TMEM221: variants seen among roughly 807,000 people sequenced by gnomAD.
TMEM221 encodes the protein Putative transmembrane protein ENSP00000342162.
Under a neutral mutation model 10.2 loss-of-function variants are expected in TMEM221, and 11 were observed. That is an observed-to-expected ratio of 1.08 (90% CI 0.68 to 1.79). TMEM221 has a LOEUF of 1.79. Among genes scored for constraint, TMEM221 ranks in the 40% most tolerant of loss-of-function variants. TMEM221 has a pLI of 0.00. For synonymous variants in TMEM221, 172 were observed against 199.8 expected (o/e 0.86, Z 1.18); for missense variants, 382 against 417.7 (o/e 0.91, Z 0.75).
At chr19:17,443,889 C>T (rs1393886617) in intron 2 of TMEM221, among the ~76,000 whole-genome samples, 1 of 151,808 alleles carries the variant, frequency 6.6e-6, no homozygotes, top group Non-Finnish European at 1.5e-5. Flanking sequence ...CCTTTACCAG[C>T]CCGGATGGAT....
At chr19:17,438,572 G>A (rs1244190961) in intron 2 of TMEM221, among the ~76,000 whole-genome samples, 1 of 151,572 alleles carries the variant, frequency 6.6e-6, no homozygotes, top group Non-Finnish European at 1.5e-5. Context: ...GAGCTGGGGA[G>A]GAACAGGACC....
rs577595858 is a variant in TMEM221 at position 17,442,846 on chromosome 19, T to A, written c.406+2353A>T. Among the ~76,000 whole-genome samples, 47 of 150,940 alleles carry A rather than the reference T, an allele frequency of 3.1e-4. 1 individual carries two copies. The highest frequency in any genetic ancestry group is 1.0e-3 in the South Asian group (5 of 4,798). On this transcript the variant is annotated intron_variant, in intron 2 of 2. Coordinates refer to ENST00000341130, the MANE Select transcript of TMEM221 (RefSeq NM_001190844.2). ...AAGTCATCCATCCCTTCTCCTTTTT[T>A]TAAAAAAAAAACTACTTCTGGAGCA...
At position 17,436,674 on chromosome 19, in the gene TMEM221, A is replaced by G. The variant is rs2074910090; in HGVS notation, c.660T>C (p.Tyr220=). ...PQQGIHRRTP[Y]STCPEPGDPF... is the part of the protein sequence containing the mutation. ...GGTCCCCAGGCTCTGGACAGGTTGAATAGGGGGTCCGACGATGGATACCCT... is the reference window on the plus strand; with the variant it reads ...GGTCCCCAGGCTCTGGACAGGTTGAGTAGGGGGTCCGACGATGGATACCCT... The change falls in exon 3 of 3, where the codon TAT becomes TAC. Residue 220 remains tyrosine (Y), a synonymous_variant. Transcript: ENST00000341130. The G allele has an allele frequency of 1.3e-6, 2 of 1,535,384 alleles. No individual in the cohort carries two copies. Among genetic ancestry groups the G allele is most frequent in the Non-Finnish European group, 1.7e-6 (2 of 1,146,396 alleles).
At position 17,436,898 on chromosome 19, in the gene TMEM221, C is replaced by T. The variant is rs1051626868; in HGVS notation, c.436G>A (p.Glu146Lys). The T allele has an allele frequency of 7.8e-5, 112 of 1,430,554 alleles. No individual in the cohort carries two copies. The highest frequency in any genetic ancestry group is 3.6e-4 in the Middle Eastern group (2 of 5,552). The allele number at this position is 1,430,554 out of a possible 1,614,324, so 88.6% of individuals were successfully genotyped here. Residue 146 changes from glutamate (E) to lysine (K), a missense_variant, in exon 3 of 3, where the codon GAG (glutamate) becomes AAG (lysine). Coordinates refer to ENST00000341130, the MANE Select transcript of TMEM221 (RefSeq NM_001190844.2). ...ALSIYALLLF[E>K]IETGAAAASI... Reference sequence around the variant, plus strand: ...GCAGCTGCTGCGCCTGTCTCGATCTCGAAAAGTAGCAAGGCATAGATGGAC... The same window carrying T: ...GCAGCTGCTGCGCCTGTCTCGATCTTGAAAAGTAGCAAGGCATAGATGGAC...
intron 1 of TMEM221, among the ~76,000 whole-genome samples, chr19:17,446,339 GCTACACAC>G (rs2074953259): frequency 6.6e-6 from 1 of 152,156 alleles, no homozygotes; most frequent in Non-Finnish European, 1.5e-5. Flanking sequence ...GCAGATACTT[GCTACACAC>G]CTGGCTTCCA....
Position 17,445,239 on chromosome 19 carries a change from G to T in TMEM221, c.366C>A (p.Ala122=), listed in dbSNP as rs1361576859. 6.5e-7 allele frequency: 1 copy of T among 1,536,000 alleles called. No individual in the cohort carries two copies. The highest frequency in any genetic ancestry group is 2.4e-5 in the East Asian group (1 of 40,916). Residue 122 remains alanine, a synonymous_variant, in exon 2 of 3, where the codon GCC becomes GCA. Transcript: ENST00000341130. The stretch of plus-strand genomic sequence containing the variant: ...AGATCCCACAGCAGAAAAGGCCAAG[G>T]GCCACATGTCTGAGGAGGCGGCAGT... ...LYDCRLLRHV[A]LGLFCCGISV...
At chr19:17,444,518 CTTTTT>C (rs71162133) in intron 2 of TMEM221, among the ~76,000 whole-genome samples, 2,822 of 92,146 alleles carry the variant, frequency 0.031, 47 homozygotes, top group Non-Finnish European at 0.041. Context: ...CATCCACGGG[CTTTTT>C]TTTTTTTTTT....
At position 17,436,844 on chromosome 19, in the gene TMEM221, G is replaced by C; in HGVS notation, c.490C>G (p.Leu164Val). 1.4e-6 allele frequency: 2 copies of C among 1,463,130 alleles called. No homozygotes were observed. Among genetic ancestry groups the C allele is most frequent in the Non-Finnish European group, 9.0e-7 (1 of 1,110,620 alleles). 90.6% of individuals were successfully genotyped at this position (1,463,130 alleles called of 1,614,324 possible). Residue 164 changes from leucine to valine, a missense_variant, in exon 3 of 3, where the codon CTG becomes GTG. Transcript: ENST00000341130. Reference protein sequence around the residue: ...ASILGSGTLVLVAVLTHTLLR... With the variant: ...ASILGSGTLVVVAVLTHTLLR... Reference sequence around the variant, plus strand: ...AGAGTGTGGGTCAGCACAGCCACCAGAACCAGGGTGCCCGAGCCGAGGATG... The same window carrying C: ...AGAGTGTGGGTCAGCACAGCCACCACAACCAGGGTGCCCGAGCCGAGGATG...
In TMEM221 at chr19:17,448,477, C is replaced by G; in HGVS notation, c.-15G>C. The G allele has an allele frequency of 6.9e-7, 1 of 1,455,060 alleles. No individual in the cohort carries two copies. The highest frequency in any genetic ancestry group is 9.0e-7 in the Non-Finnish European group (1 of 1,106,930). The allele number at this position is 1,455,060 out of a possible 1,614,324, so 90.1% of individuals were successfully genotyped here. On this transcript the variant is annotated 5_prime_UTR_variant, in exon 1 of 3. Transcript: ENST00000341130. This position sits in a 1 kb window ranked among gnomAD's most constrained non-coding sequence, Gnocchi z 4.7. ...GAACGGGCCATGGCGGGGGTTCCTG[C>G]GGGCCGGGGGAAGAGTTGAGGAATT...
chr19:17,445,120 G>T, intron 2 of TMEM221, 79 bp downstream of exon 2: 2 of 1,312,616 alleles, frequency 1.5e-6, no homozygotes, highest in Non-Finnish European at 2.1e-6. Context: ...TGTCTGCAGA[G>T]TTGATCCCAG....
chr19:17,442,479 G>A (rs964920042), intron 2 of TMEM221, among the ~76,000 whole-genome samples: 19 of 144,730 alleles, frequency 1.3e-4, no homozygotes, highest in Non-Finnish European at 1.8e-4. Flanking sequence ...TCACTCTGTC[G>A]CCCAGGCTGG....
chr19:17,440,268 C>T (rs2074926771), intron 2 of TMEM221, among the ~76,000 whole-genome samples: 1 of 144,908 alleles, frequency 6.9e-6, no homozygotes, highest in East Asian at 2.0e-4. Flanking sequence ...GCTCTGTCAC[C>T]CAGGCTGGAG....
In TMEM221 at chr19:17,448,521, A is replaced by C; in HGVS notation, c.-59T>G. The C allele has an allele frequency of 8.1e-7, 1 of 1,241,952 alleles. No individual in the cohort carries two copies. The highest frequency in any genetic ancestry group is 1.0e-6 in the Non-Finnish European group (1 of 970,108). 76.9% of individuals were successfully genotyped at this position (1,241,952 alleles called of 1,614,324 possible). ...AGGAATTGAAGTGGTTTTAGAGGGC[A>C]GGGGAGTTGGGGGGAATCCGAGGGT... On this transcript the variant is annotated 5_prime_UTR_variant, in exon 1 of 3. Coordinates refer to ENST00000341130, the MANE Select transcript of TMEM221 (RefSeq NM_001190844.2). The surrounding 1 kb of genome is among the most constrained non-coding windows in gnomAD (Gnocchi z 4.7).
At chr19:17,440,104 T>C (rs1369355255) in intron 2 of TMEM221, among the ~76,000 whole-genome samples, 2 of 152,100 alleles carry the variant, frequency 1.3e-5, no homozygotes, top group African/African-American at 2.4e-5. Context: ...GAAGAATTGC[T>C]TGAGCCTAGG....
At chr19:17,439,544 C>T (rs1239798303) in intron 2 of TMEM221, among the ~76,000 whole-genome samples, 1 of 151,760 alleles carries the variant, frequency 6.6e-6, no homozygotes, top group Non-Finnish European at 1.5e-5. Context: ...AAAAAGTAGC[C>T]AGGTGTGGTG....
intron 2 of TMEM221, among the ~76,000 whole-genome samples, chr19:17,441,489 G>T (rs2074931636): frequency 6.6e-6 from 1 of 152,112 alleles, no homozygotes; most frequent in Non-Finnish European, 1.5e-5. Flanking sequence ...GTGGATTTGG[G>T]ATCACTAAGC....
intron 2 of TMEM221, among the ~76,000 whole-genome samples, chr19:17,438,904 C>G (rs2144498410): frequency 6.8e-6 from 1 of 147,524 alleles, no homozygotes; most frequent in Non-Finnish European, 1.5e-5. Context: ...GACACCTGCT[C>G]TATCTCTTAA....
At chr19:17,441,414 C>A (rs2074931363) in intron 2 of TMEM221, among the ~76,000 whole-genome samples, 1 of 152,030 alleles carries the variant, frequency 6.6e-6, no homozygotes, top group Admixed American at 6.6e-5. Flanking sequence ...GACAAAAGTT[C>A]CTCTGAGGCC....
intron 1 of TMEM221, among the ~76,000 whole-genome samples, chr19:17,446,890 C>T (rs910966786): frequency 1.3e-5 from 2 of 152,004 alleles, no homozygotes; most frequent in African/African-American, 4.8e-5. Context: ...CACCACCACA[C>T]CTAGCTAATT....
Sources: allele counts gnomAD v4.1 joint callset (sites outside exome capture counted in the v4.1 genomes callset), GRCh38; gene constraint gnomAD v4.1.1; non-coding constraint Gnocchi (gnomAD v3.1); transcripts MANE v1.5; gene names NCBI Gene and HGNC (gene_info 2026-07-23, HGNC 2026-07-21).